The following SHISA9 variants were observed in gnomAD, a reference collection of about 807,000 sequenced individuals.
The protein encoded by SHISA9 is shisa family member 9, also known as protein shisa-9.
A neutral mutation model predicts 38.0 loss-of-function variants in SHISA9; 13 were observed. The ratio of observed to expected loss-of-function variants is 0.34; its 90% CI spans 0.22 to 0.54. SHISA9 has a LOEUF of 0.54. Among genes scored for constraint, SHISA9 ranks in the 20% least tolerant of loss-of-function variants. SHISA9 has a pLI of 0.91. For synonymous variants in SHISA9, 275 were observed against 242.0 expected (o/e 1.14, Z -1.27); for missense variants, 538 against 575.8 (o/e 0.93, Z 0.67).
chr16:13,494,381 C>G, the SHISA9 span, among the ~76,000 whole-genome samples: 1 of 152,166 alleles, frequency 6.6e-6, no homozygotes, highest in African/African-American at 2.4e-5. Flanking sequence ...AAACCCAAAA[C>G]TCCACCCAAT....
At chr16:13,326,427 A>G in the SHISA9 span, among the ~76,000 whole-genome samples, 1 of 152,194 alleles carries the variant, frequency 6.6e-6, no homozygotes, top group Non-Finnish European at 1.5e-5. Flanking sequence ...TTCTTTCAAG[A>G]GTCAAAGTCC....
intron 2 of SHISA9, among the ~76,000 whole-genome samples, chr16:13,079,861 T>TA (rs1183219873): frequency 6.6e-6 from 1 of 152,222 alleles, no homozygotes; most frequent in African/African-American, 2.4e-5. Flanking sequence ...ATTGTTTTTT[T>TA]AACATATAAT....
intron 2 of SHISA9, among the ~76,000 whole-genome samples, chr16:13,112,744 G>A (rs1377344495): frequency 1.3e-5 from 2 of 152,018 alleles, no homozygotes; most frequent in Admixed American, 6.6e-5. Flanking sequence ...GAGGTGCTTG[G>A]CATTGCCTTT....
the SHISA9 span, among the ~76,000 whole-genome samples, chr16:13,333,652 A>G: frequency 1.3e-5 from 2 of 152,344 alleles, no homozygotes; most frequent in African/African-American, 2.4e-5. Context: ...TTCACCTACT[A>G]AAAGGTTTGA....
At chr16:13,521,453 G>T in the SHISA9 span, among the ~76,000 whole-genome samples, 1 of 152,216 alleles carries the variant, frequency 6.6e-6, no homozygotes, top group East Asian at 1.9e-4. Flanking sequence ...AATTGACTCT[G>T]CTTGTTTTCT....
chr16:13,434,836 A>G, the SHISA9 span, among the ~76,000 whole-genome samples: 1 of 152,342 alleles, frequency 6.6e-6, no homozygotes, highest in East Asian at 1.9e-4. Flanking sequence ...TGGAACTTCA[A>G]TTAAGCAAGT....
intron 2 of SHISA9, among the ~76,000 whole-genome samples, chr16:13,049,933 T>C (rs185061877): frequency 1.1e-4 from 16 of 152,246 alleles, no homozygotes; most frequent in Admixed American, 1.0e-3. Flanking sequence ...TTGCCCCATA[T>C]TTGTCCTTGT....
chr16:13,548,506 A>C, the SHISA9 span, among the ~76,000 whole-genome samples: 1 of 152,144 alleles, frequency 6.6e-6, no homozygotes, highest in African/African-American at 2.4e-5. Flanking sequence ...CAAACACCTC[A>C]ATAGCAAAGT....
chr16:13,234,979 TCTC>T, intron 4 of SHISA9, 48 bp from the exon 5 acceptor site: 1 of 1,489,678 alleles, frequency 6.7e-7, no homozygotes, highest in Non-Finnish European at 9.0e-7. Context: ...TCTCTCTCTC[TCTC>T]TCTCTTCTCT....
chr16:13,245,378 C>T (rs2214255), downstream of SHISA9, among the ~76,000 whole-genome samples: 1 of 152,092 alleles, frequency 6.6e-6, no homozygotes, highest in African/African-American at 2.4e-5. Context: ...GCACTGTGTA[C>T]TAGTGAGACT....
chr16:13,034,977 G>A (rs993216344), intron 2 of SHISA9, among the ~76,000 whole-genome samples: 1 of 152,110 alleles, frequency 6.6e-6, no homozygotes, highest in African/African-American at 2.4e-5. Flanking sequence ...TACAGATTTG[G>A]GAGCTAATAA....
At chr16:13,311,222 T>A in the SHISA9 span, among the ~76,000 whole-genome samples, 1 of 152,038 alleles carries the variant, frequency 6.6e-6, no homozygotes. Flanking sequence ...GCAAAAACTT[T>A]ATAGATACAT....
chr16:13,209,551 T>C (rs2051098489), intron 3 of SHISA9, among the ~76,000 whole-genome samples: 1 of 152,238 alleles, frequency 6.6e-6, no homozygotes, highest in African/African-American at 2.4e-5. Context: ...TCTGTTTCAA[T>C]ACAATCCATC....
the SHISA9 span, among the ~76,000 whole-genome samples, chr16:13,465,834 G>A: frequency 1.3e-5 from 2 of 152,214 alleles, no homozygotes; most frequent in Non-Finnish European, 2.9e-5. Context: ...GTCAAATGTG[G>A]CCCACTGCCT....
chr16:13,327,592 G>A, the SHISA9 span, among the ~76,000 whole-genome samples: 1 of 151,994 alleles, frequency 6.6e-6, no homozygotes, highest in African/African-American at 2.4e-5. Flanking sequence ...CTCCAGCCTG[G>A]GTGACAGGGC....
the SHISA9 span, among the ~76,000 whole-genome samples, chr16:13,312,132 G>A: frequency 0.013 from 2,008 of 152,178 alleles, 37 homozygotes; most frequent in African/African-American, 0.046. Context: ...TTCTGTAAAG[G>A]GTCAGATAGC....
chr16:13,115,879 T>G (rs1041335762), intron 2 of SHISA9, among the ~76,000 whole-genome samples: 3 of 152,228 alleles, frequency 2.0e-5, no homozygotes, highest in African/African-American at 7.2e-5. Flanking sequence ...CCCTTGGAGT[T>G]TCTTCCTCAG....
chr16:12,986,048 G>A (rs1271519508), intron 2 of SHISA9, among the ~76,000 whole-genome samples: 2 of 152,168 alleles, frequency 1.3e-5, no homozygotes, highest in African/African-American at 4.8e-5. Context: ...AAGGCCCCAC[G>A]CTTCAGGGCT....
intron 2 of SHISA9, among the ~76,000 whole-genome samples, chr16:12,947,666 T>C (rs890636605): frequency 6.6e-6 from 1 of 152,174 alleles, no homozygotes; most frequent in Admixed American, 6.5e-5. Flanking sequence ...AGAATTCAGT[T>C]TTAAATATTC....
Sources: gnomAD v4.1 joint callset for allele counts (sites outside exome capture counted in the v4.1 genomes callset) on GRCh38, gnomAD v4.1.1 for gene constraint, MANE v1.5 for transcripts, NCBI Gene and HGNC (gene_info 2026-07-23, HGNC 2026-07-21) for gene names.